NOVA2: variants seen among roughly 807,000 people sequenced by gnomAD.
The protein encoded by NOVA2 is NOVA alternative splicing regulator 2, also known as RNA-binding protein Nova-2.
In NOVA2, 9 loss-of-function variants were observed where a neutral mutation model predicts 22.5. The observed-to-expected ratio is 0.40, with a 90% CI of 0.24 to 0.70. NOVA2 has a LOEUF of 0.70. Among genes scored for constraint, NOVA2 ranks in the 30% least tolerant of loss-of-function variants. The pLI is 0.38. For synonymous variants in NOVA2, 318 were observed against 335.2 expected, an observed-to-expected ratio of 0.95 and a Z score of 0.56; for missense variants, 383 against 682.8, an observed-to-expected ratio of 0.56 and a Z score of 4.89.
intron 1 of NOVA2, among the ~76,000 whole-genome samples, chr19:45,965,989 A>G (rs1010770376): frequency 1.3e-5 from 2 of 152,242 alleles, no homozygotes; most frequent in Admixed American, 6.5e-5. Flanking sequence ...TTCAGTGCTT[A>G]TCACAGCATC....
chr19:45,952,430 C>T (rs1198074628), intron 3 of NOVA2, among the ~76,000 whole-genome samples: 4 of 152,158 alleles, frequency 2.6e-5, no homozygotes, highest in Admixed American at 2.0e-4. Context: ...CTATGATCTC[C>T]CTCAGTCTTT....
intron 3 of NOVA2, among the ~76,000 whole-genome samples, chr19:45,952,145 T>C (rs1967935613): frequency 6.6e-6 from 1 of 152,192 alleles, no homozygotes; most frequent in Non-Finnish European, 1.5e-5. Flanking sequence ...AGAAAAGAAG[T>C]AGACCTGTTT....
chr19:45,966,294 C>T (rs971603413), intron 1 of NOVA2, among the ~76,000 whole-genome samples: 1 of 152,200 alleles, frequency 6.6e-6, no homozygotes, highest in Non-Finnish European at 1.5e-5. Context: ...CTTCTTCCTT[C>T]CCTTCCTCCA....
chr19:45,962,869 A>G (rs963824016), intron 1 of NOVA2, among the ~76,000 whole-genome samples: 1 of 152,044 alleles, frequency 6.6e-6, no homozygotes, highest in East Asian at 1.9e-4. Flanking sequence ...GCTGGTCTCA[A>G]ACTCCTGATT....
intron 2 of NOVA2, among the ~76,000 whole-genome samples, chr19:45,957,444 C>G (rs1449129752): frequency 6.6e-6 from 1 of 151,570 alleles, no homozygotes; most frequent in Non-Finnish European, 1.5e-5. Context: ...GAGGCTGAGA[C>G]AGGAGAATCG....
In NOVA2 at chr19:45,940,411, C is replaced by T. The variant is rs1228380537; in HGVS notation, c.931G>A (p.Ala311Thr). Residue 311 changes from alanine (A) to threonine (T), a missense_variant, in exon 4 of 4, where the codon GCC (alanine) becomes ACC (threonine). Ala to Thr is a moderately conservative substitution (Grantham distance 58). Around this residue, in one of 2 missense-constraint regions of NOVA2, gnomAD observed 349 missense variants for 578.1 expected, o/e 0.60. Transcript: ENST00000263257. The part of the protein sequence containing the change: ...NSAAASGVLA[A>T]VAAGANPAAA... The stretch of plus-strand genomic sequence containing the variant: ...GCTGGGTTGGCCCCGGCGGCCACGG[C>T]GGCCAGGACGCCGGAAGCTGCGGCC... 4 of 1,469,334 alleles carry T rather than the reference C, an allele frequency of 2.7e-6. No individual in the cohort carries two copies. The highest frequency in any genetic ancestry group is 3.6e-6 in the Non-Finnish European group (4 of 1,106,656). The allele number at this position is 1,469,334 out of a possible 1,614,324, so 91.0% of individuals were successfully genotyped here. A position where few individuals can be genotyped will look rare whatever the true frequency, so the allele number is the denominator to read the frequency against.
intron 2 of NOVA2, among the ~76,000 whole-genome samples, chr19:45,955,772 C>T (rs758562780): frequency 3.8e-4 from 58 of 151,896 alleles, no homozygotes; most frequent in Non-Finnish European, 7.1e-4. Flanking sequence ...ACAGGAGAAT[C>T]GCTTGAACCT....
In NOVA2 at chr19:45,940,313, G is replaced by A; in HGVS notation, c.1029C>T (p.Ala343=). ...CTCCGGGAGGCGGGGGCGGCGGCGG[G>A]GCGGCCCCTCCGGCTGGCCCGGCCC... is the stretch of plus-strand genomic sequence containing the variant. ...EAGAGPAGGA[A]PPPPPPPGAL... The change falls in exon 4 of 4, where the codon GCC becomes GCT. Residue 343 remains alanine (A), a synonymous_variant. Coordinates refer to ENST00000263257, the MANE Select transcript of NOVA2 (RefSeq NM_002516.4). 1 of 1,151,744 alleles carries A rather than the reference G, an allele frequency of 8.7e-7. No individual in the cohort carries two copies. The highest frequency in any genetic ancestry group is 1.1e-6 in the Non-Finnish European group (1 of 939,784). 71.3% of individuals were successfully genotyped at this position (1,151,744 alleles called of 1,614,324 possible).
At chr19:45,971,054 C>T (rs759453127) in intron 1 of NOVA2, among the ~76,000 whole-genome samples, 5 of 152,140 alleles carry the variant, frequency 3.3e-5, no homozygotes, top group African/African-American at 1.2e-4. Context: ...AGCTCCATCA[C>T]TTAGAAACCG....
At chr19:45,941,601 A>G (rs1967759623) in intron 3 of NOVA2, among the ~76,000 whole-genome samples, 1 of 152,028 alleles carries the variant, frequency 6.6e-6, no homozygotes, top group Non-Finnish European at 1.5e-5. Context: ...TGTTAAAAAT[A>G]TTGAAATATT....
At chr19:45,947,277 G>A (rs1967854796) in intron 3 of NOVA2, among the ~76,000 whole-genome samples, 1 of 152,026 alleles carries the variant, frequency 6.6e-6, no homozygotes, top group South Asian at 2.1e-4. Context: ...CGAATAAATA[G>A]ACGGATGAAG....
intron 1 of NOVA2, among the ~76,000 whole-genome samples, chr19:45,962,025 G>A (rs1291421168): frequency 2.0e-5 from 3 of 152,188 alleles, no homozygotes; most frequent in Non-Finnish European, 2.9e-5. Flanking sequence ...GCCACAGTGA[G>A]GTCCTTAACT....
chr19:45,964,808 G>T lies in NOVA2; in HGVS notation c.86-3655C>A, dbSNP rs527454040. Among the ~76,000 whole-genome samples the T allele has an allele frequency of 3.9e-5, 6 of 152,180 alleles. No homozygotes were observed. The East Asian group carries it at 1.2e-3, about 29-fold the overall frequency. On this transcript the variant is annotated intron_variant, in intron 1 of 3. Transcript: ENST00000263257. ...ACTCCTGAGCTCAAGGGATCCAACT[G>T]CCTGGGCCTCCAAAAGTGTTGGGAT...
In NOVA2 at chr19:45,935,525, GGACAGCGAGCCCGGTT is replaced by G. The variant is rs1379722430; in HGVS notation, c.*4322_*4337del. On this transcript the variant is annotated 3_prime_UTR_variant, in exon 4 of 4. Coordinates refer to ENST00000263257, the MANE Select transcript of NOVA2 (RefSeq NM_002516.4). Reference sequence around the variant, plus strand: ...TCGTGACATCCAGTCCAGGCTTTCAGGACAGCGAGCCCGGTTTCCAGGCAGGTGCTTGTCGAAGGCC... The same window carrying G: ...TCGTGACATCCAGTCCAGGCTTTCAGTCCAGGCAGGTGCTTGTCGAAGGCC... 3.3e-5 allele frequency: 5 copies of G among 152,218 alleles called. No individual in the cohort carries two copies. The highest frequency in any genetic ancestry group is 3.3e-4 in the Admixed American group (5 of 15,286). 9.4% of individuals were successfully genotyped at this position (152,218 alleles called of 1,614,324 possible). A position where few individuals can be genotyped will look rare whatever the true frequency, so the allele number is the denominator to read the frequency against.
At position 45,973,268 on chromosome 19, in the gene NOVA2, T is replaced by C; in HGVS notation, c.84A>G (p.Gly28=). ...CCCCGAGCCGCAGCCCTTTCTCACC[T>C]CCCGTGTTGCTGCGCTTGGTGCAGA... ...EVVCTKRSNT[G]EEGEYFLKVL... The change falls in exon 1 of 4, where the codon GGA becomes GGG. Residue 28 remains glycine (G), a splice_region_variant and synonymous_variant. Transcript: ENST00000263257. The C allele has an allele frequency of 6.9e-7, 1 of 1,454,066 alleles. No homozygotes were observed. Among genetic ancestry groups the C allele is most frequent in the Non-Finnish European group, 9.1e-7 (1 of 1,097,702 alleles). 90.1% of individuals were successfully genotyped at this position (1,454,066 alleles called of 1,614,324 possible).
chr19:45,959,273 A>C (rs1212883652), intron 2 of NOVA2, among the ~76,000 whole-genome samples: 1 of 151,950 alleles, frequency 6.6e-6, no homozygotes, highest in African/African-American at 2.4e-5. Context: ...CAGCCGGCTC[A>C]TGCTGTATGA....
At chr19:45,945,377 T>C (rs1393494187) in intron 3 of NOVA2, among the ~76,000 whole-genome samples, 1 of 152,192 alleles carries the variant, frequency 6.6e-6, no homozygotes, top group African/African-American at 2.4e-5. Context: ...ATTGTGGCAA[T>C]AGGTGTACAA....
intron 3 of NOVA2, among the ~76,000 whole-genome samples, chr19:45,946,541 G>T (rs1276307976): frequency 6.6e-6 from 1 of 152,122 alleles, no homozygotes; most frequent in Non-Finnish European, 1.5e-5. Flanking sequence ...GTAGGAGATT[G>T]TCCTTGGAAG....
chr19:45,965,825 A>G lies in NOVA2; in HGVS notation c.86-4672T>C, dbSNP rs540911189. ...GGCCTCAGCTTTCCTCATCTATACA[A>G]TGGGAATCATGATAGTGCTACTTCA... On this transcript the variant is annotated intron_variant, in intron 1 of 3. Transcript: ENST00000263257. Among the ~76,000 whole-genome samples the G allele has an allele frequency of 2.6e-5, 4 of 152,312 alleles. No individual in the cohort carries two copies. In the South Asian group the frequency reaches 8.3e-4, roughly 32 times the overall value.
Sources: gnomAD v4.1 joint callset for allele counts (sites outside exome capture counted in the v4.1 genomes callset) on GRCh38, gnomAD v4.1.1 for gene constraint, gnomAD v4.1.1 regional missense constraint, MANE v1.5 for transcripts, NCBI Gene and HGNC (gene_info 2026-07-23, HGNC 2026-07-21) for gene names.